Variants in SLC9A9 observed in about 807,000 individuals in gnomAD.
SLC9A9 encodes the protein solute carrier family 9 member A9, also known as sodium/hydrogen exchanger 9.
Under a neutral mutation model 77.8 loss-of-function variants are expected in SLC9A9, and 62 were observed. That is an observed-to-expected ratio of 0.80 (90% CI 0.65 to 0.98). SLC9A9 has a LOEUF of 0.98. Among genes scored for constraint, SLC9A9 ranks in the 50% least tolerant of loss-of-function variants. The pLI is 0.00. For synonymous variants in SLC9A9, 320 were observed against 283.5 expected (o/e 1.13, Z -1.29); for missense variants, 775 against 774.9 (o/e 1.00, Z 0.00).
intron 12 of SLC9A9, among the ~76,000 whole-genome samples, chr3:143,384,782 T>C (rs2033383836): frequency 6.6e-6 from 1 of 151,882 alleles, no homozygotes; most frequent in Non-Finnish European, 1.5e-5. Context: ...AAAGAGAACC[T>C]CCATGAAAGG....
At chr3:143,534,449 C>G (rs2036558929) in intron 9 of SLC9A9, among the ~76,000 whole-genome samples, 1 of 152,190 alleles carries the variant, frequency 6.6e-6, no homozygotes, top group African/African-American at 2.4e-5. Flanking sequence ...ATTGCTCTCT[C>G]CTGGAGCTCA....
chr3:143,398,985 TTTG>T (rs1437554589), intron 12 of SLC9A9, among the ~76,000 whole-genome samples: 5 of 134,928 alleles, frequency 3.7e-5, no homozygotes, highest in South Asian at 2.4e-4. Flanking sequence ...AATTCACAGA[TTTG>T]TTGTATACAC....
intron 4 of SLC9A9, among the ~76,000 whole-genome samples, chr3:143,743,292 CAGACAGAT>C (rs1244739045): frequency 2.6e-3 from 314 of 120,914 alleles, no homozygotes; most frequent in African/African-American, 8.9e-3. Context: ...GATAGATAGA[CAGACAGAT>C]AGATAGATGA....
intron 14 of SLC9A9, among the ~76,000 whole-genome samples, chr3:143,351,558 G>A (rs781085659): frequency 6.6e-6 from 1 of 152,228 alleles, no homozygotes; most frequent in Non-Finnish European, 1.5e-5. Context: ...TTGATGGTGG[G>A]GGGGAGTACC....
chr3:143,785,845 C>CT lies in SLC9A9; in HGVS notation c.533+9155dup, dbSNP rs57552730. Among the ~76,000 whole-genome samples the CT allele has an allele frequency of 7.4e-3, 831 of 112,854 alleles. 45 individuals are homozygous for CT. The highest frequency in any genetic ancestry group is 0.01 in the Non-Finnish European group (535 of 52,216). The allele number at this position is 112,854 out of a possible 152,430, so 74.0% of individuals were successfully genotyped here. A position where few individuals can be genotyped will look rare whatever the true frequency, so the allele number is the denominator to read the frequency against. On this transcript the variant is annotated intron_variant, in intron 4 of 15. Coordinates refer to ENST00000316549, the MANE Select transcript of SLC9A9 (RefSeq NM_173653.4). ...GAGTAATTCTAAGACTTGAATTTTT[C>CT]TTTTTTTTTTTTTTTTTTTTTTTTT...
intron 14 of SLC9A9, among the ~76,000 whole-genome samples, chr3:143,326,032 T>C (rs2031592757): frequency 6.6e-6 from 1 of 152,258 alleles, no homozygotes; most frequent in South Asian, 2.1e-4. Flanking sequence ...GCGAAAACTT[T>C]ATGTATTCAT....
At chr3:143,696,599 G>A (rs1244488720) in intron 4 of SLC9A9, among the ~76,000 whole-genome samples, 2 of 152,094 alleles carry the variant, frequency 1.3e-5, no homozygotes, top group Non-Finnish European at 2.9e-5. Flanking sequence ...CTTCACCTTG[G>A]CCCTTTGTCA....
chr3:143,700,758 G>A (rs980831885), intron 4 of SLC9A9, among the ~76,000 whole-genome samples: 1 of 152,242 alleles, frequency 6.6e-6, no homozygotes, highest in East Asian at 1.9e-4. Context: ...TTGAAGGGAA[G>A]GATACAAGAC....
chr3:143,760,720 T>G (rs1003630260), intron 4 of SLC9A9, among the ~76,000 whole-genome samples: 5 of 152,194 alleles, frequency 3.3e-5, no homozygotes, highest in Non-Finnish European at 7.3e-5. Context: ...GAACATTCCA[T>G]GCTCACGAAT....
chr3:143,453,878 T>A (rs1287174842), intron 12 of SLC9A9, among the ~76,000 whole-genome samples: 3 of 152,088 alleles, frequency 2.0e-5, no homozygotes, highest in African/African-American at 7.2e-5. Context: ...ATATTAGGAG[T>A]TGCAGCCTTT....
intron 14 of SLC9A9, among the ~76,000 whole-genome samples, chr3:143,354,199 CCTTCT>C (rs1559880077): frequency 1.3e-5 from 2 of 152,188 alleles, no homozygotes; most frequent in African/African-American, 4.8e-5. Flanking sequence ...GCTCTTCCTC[CCTTCT>C]CATTATTTAA....
chr3:143,288,171 T>G (rs1461345912), intron 14 of SLC9A9, among the ~76,000 whole-genome samples: 1 of 152,124 alleles, frequency 6.6e-6, no homozygotes, highest in Admixed American at 6.6e-5. Flanking sequence ...TGATTATTTT[T>G]GTTTGCTTAA....
Position 143,407,993 on chromosome 3 carries a change from C to T in SLC9A9, c.1470-25879G>A, listed in dbSNP as rs372132893. ...AAGATGCTGGCCAATTAAGTTCCTGCGGAGGGCTTTTCTTGTGGGTTGCAG... is the reference window on the plus strand; with the variant it reads ...AAGATGCTGGCCAATTAAGTTCCTGTGGAGGGCTTTTCTTGTGGGTTGCAG... On this transcript the variant is annotated intron_variant, in intron 12 of 15. Transcript: ENST00000316549. Among the ~76,000 whole-genome samples the T allele has an allele frequency of 7.9e-5, 12 of 152,270 alleles. 1 individual carries two copies. The South Asian group carries it at 1.7e-3, about 21-fold the overall frequency.
At position 143,643,131 on chromosome 3, in the gene SLC9A9, T is replaced by C. The variant is rs752384704; in HGVS notation, c.755+9124A>G. On this transcript the variant is annotated intron_variant, in intron 6 of 15. Coordinates refer to ENST00000316549, the MANE Select transcript of SLC9A9 (RefSeq NM_173653.4). The stretch of plus-strand genomic sequence containing the variant: ...GAGCTCATTTTCAGAAAAGATTCTG[T>C]TTTTTAAGTGGGATTTCTATGTACC... Among the ~76,000 whole-genome samples, 4 of 152,244 alleles carry C rather than the reference T, an allele frequency of 2.6e-5. No individual in the cohort carries two copies. The South Asian group carries it at 6.2e-4, about 24-fold the overall frequency.
chr3:143,447,808 T>G (rs2034872527), intron 12 of SLC9A9, among the ~76,000 whole-genome samples: 1 of 152,128 alleles, frequency 6.6e-6, no homozygotes, highest in Non-Finnish European at 1.5e-5. Flanking sequence ...GAAGAACACG[T>G]GCTTGTATCG....
At chr3:143,754,612 GA>G (rs2006863209) in intron 4 of SLC9A9, among the ~76,000 whole-genome samples, 2 of 152,284 alleles carry the variant, frequency 1.3e-5, no homozygotes, top group South Asian at 4.1e-4. Context: ...GCGAGCTACT[GA>G]AAAGGCTGTG....
At chr3:143,345,336 C>T (rs1478767971) in intron 14 of SLC9A9, among the ~76,000 whole-genome samples, 1 of 151,770 alleles carries the variant, frequency 6.6e-6, no homozygotes, top group Non-Finnish European at 1.5e-5. Context: ...CTGAAAATGG[C>T]CAGAAAAGTA....
intron 14 of SLC9A9, among the ~76,000 whole-genome samples, chr3:143,286,627 CTGCCATTGTTTTG>C (rs1445720159): frequency 6.6e-6 from 1 of 152,192 alleles, no homozygotes; most frequent in Admixed American, 6.6e-5. Context: ...CAGACTAAAG[CTGCCATTGTTTTG>C]TGCTGTGGGG....
At chr3:143,472,988 G>A (rs2035404341) in intron 11 of SLC9A9, among the ~76,000 whole-genome samples, 1 of 147,388 alleles carries the variant, frequency 6.8e-6, no homozygotes, top group Admixed American at 6.9e-5. Context: ...CCAAATGGAG[G>A]TTTACAACTA....
Sources: gnomAD v4.1 joint callset for allele counts (sites outside exome capture counted in the v4.1 genomes callset) on GRCh38, gnomAD v4.1.1 for gene constraint, MANE v1.5 for transcripts, NCBI Gene and HGNC (gene_info 2026-07-23, HGNC 2026-07-21) for gene names.